SGCZ: variants seen among roughly 807,000 people sequenced by gnomAD.
The protein encoded by SGCZ is zeta-sarcoglycan.
SGCZ carries 40 observed loss-of-function variants against 41.3 expected under a neutral mutation model. The observed-to-expected ratio is 0.97, with a 90% confidence interval of 0.75 to 1.26. The LOEUF (loss-of-function observed/expected upper bound fraction) is 1.26. Among genes scored for constraint, SGCZ ranks in the 50% most tolerant of loss-of-function variants. The probability of loss-of-function intolerance (pLI) is 0.00; values close to 1 mark genes in which losing one functional copy is unlikely to be tolerated. For missense variants in SGCZ, 552 were observed against 369.8 expected (o/e 1.49, Z -4.04); for synonymous variants, 206 against 137.5 (o/e 1.50, Z -3.49).
At chr8:15,061,370 C>A (rs868560808) in intron 1 of SGCZ, among the ~76,000 whole-genome samples, 73 of 151,938 alleles carry the variant, frequency 4.8e-4, no homozygotes, top group African/African-American at 1.7e-3. Context: ...ACATCACACA[C>A]CGGGGCCTGT....
chr8:14,943,691 G>C (rs1325947052), intron 1 of SGCZ, among the ~76,000 whole-genome samples: 1 of 152,052 alleles, frequency 6.6e-6, no homozygotes, highest in Non-Finnish European at 1.5e-5. Context: ...TAAAAAGCAT[G>C]CCACTCAATA....
At chr8:15,017,997 T>G (rs1159387363) in intron 1 of SGCZ, among the ~76,000 whole-genome samples, 1 of 152,174 alleles carries the variant, frequency 6.6e-6, no homozygotes, top group East Asian at 1.9e-4. Flanking sequence ...CCCAAGTCTC[T>G]GGAGTTACAG....
chr8:14,566,865 G>T (rs375549841), intron 1 of SGCZ, among the ~76,000 whole-genome samples: 1 of 152,288 alleles, frequency 6.6e-6, no homozygotes, highest in African/African-American at 2.4e-5. Context: ...CGGTGCTTGC[G>T]GGCCAGTGCG....
intron 1 of SGCZ, among the ~76,000 whole-genome samples, chr8:14,617,509 G>A (rs1253147523): frequency 6.6e-6 from 1 of 152,058 alleles, no homozygotes; most frequent in Non-Finnish European, 1.5e-5. Flanking sequence ...TTAAAATGTT[G>A]AGATTTATAA....
chr8:14,511,556 A>G (rs1360102342), intron 2 of SGCZ, among the ~76,000 whole-genome samples: 1 of 152,086 alleles, frequency 6.6e-6, no homozygotes, highest in Non-Finnish European at 1.5e-5. Context: ...AGGCTAAAAC[A>G]AAATAGAGAT....
At chr8:14,576,431 A>G (rs1253617266) in intron 1 of SGCZ, among the ~76,000 whole-genome samples, 1 of 152,254 alleles carries the variant, frequency 6.6e-6, no homozygotes, top group Non-Finnish European at 1.5e-5. Flanking sequence ...GCCATATAGT[A>G]TAATGAAGTA....
chr8:15,001,548 T>C (rs1292402453), intron 1 of SGCZ, among the ~76,000 whole-genome samples: 1 of 151,768 alleles, frequency 6.6e-6, no homozygotes, highest in Non-Finnish European at 1.5e-5. Context: ...GCTAACACAG[T>C]GAAACCCCAT....
At chr8:15,201,960 A>G (rs1459153324) in intron 1 of SGCZ, among the ~76,000 whole-genome samples, 1 of 152,220 alleles carries the variant, frequency 6.6e-6, no homozygotes, top group Admixed American at 6.5e-5. Flanking sequence ...GGGTTTACCC[A>G]TTAATGTAGT....
At chr8:15,210,656 T>C (rs1042682842) in intron 1 of SGCZ, among the ~76,000 whole-genome samples, 1 of 152,182 alleles carries the variant, frequency 6.6e-6, no homozygotes, top group African/African-American at 2.4e-5. Flanking sequence ...ATGCAAAGTA[T>C]GAGCAATCCA....
At chr8:14,845,487 T>C (rs1346598033) in intron 1 of SGCZ, among the ~76,000 whole-genome samples, 10 of 152,090 alleles carry the variant, frequency 6.6e-5, no homozygotes, top group Admixed American at 6.6e-4. Context: ...ATGTGACACA[T>C]AATAAGCAGG....
chr8:14,206,292 G>A (rs368589303), intron 4 of SGCZ, among the ~76,000 whole-genome samples: 2 of 152,032 alleles, frequency 1.3e-5, no homozygotes, highest in East Asian at 1.9e-4. Context: ...GCCTTATGTT[G>A]TAAAGATAAC....
intron 5 of SGCZ, among the ~76,000 whole-genome samples, chr8:14,120,893 T>C (rs1320175405): frequency 6.6e-6 from 1 of 152,104 alleles, no homozygotes; most frequent in Non-Finnish European, 1.5e-5. Context: ...CTTAATCAGA[T>C]CATCAATGAT....
At chr8:14,127,483 T>A (rs1397473334) in intron 5 of SGCZ, among the ~76,000 whole-genome samples, 2 of 152,122 alleles carry the variant, frequency 1.3e-5, no homozygotes, top group Non-Finnish European at 2.9e-5. Context: ...TGATACTGAG[T>A]CTCACTGTGT....
At chr8:14,145,205 C>G (rs1021339740) in intron 5 of SGCZ, among the ~76,000 whole-genome samples, 3 of 152,154 alleles carry the variant, frequency 2.0e-5, no homozygotes, top group Non-Finnish European at 2.9e-5. Context: ...GCTTGTATTA[C>G]TCTACCCCCA....
chr8:14,428,538 G>C (rs1799853195), intron 2 of SGCZ, among the ~76,000 whole-genome samples: 2 of 152,204 alleles, frequency 1.3e-5, no homozygotes, highest in Middle Eastern at 3.4e-3. Flanking sequence ...CTAACGATTG[G>C]TTATGACCAT....
intron 1 of SGCZ, among the ~76,000 whole-genome samples, chr8:15,102,515 T>C (rs557482477): frequency 2.0e-5 from 3 of 152,334 alleles, no homozygotes; most frequent in Non-Finnish European, 2.9e-5. Flanking sequence ...GTGTAAACTA[T>C]AGACTTTTGT....
chr8:14,421,390 T>A (rs563569578), intron 2 of SGCZ, among the ~76,000 whole-genome samples: 1 of 152,264 alleles, frequency 6.6e-6, no homozygotes, highest in African/African-American at 2.4e-5. Flanking sequence ...TCACTGTTTT[T>A]GTAAAATGCA....
intron 1 of SGCZ, among the ~76,000 whole-genome samples, chr8:15,012,798 C>T (rs1802888224): frequency 1.4e-5 from 2 of 147,024 alleles, no homozygotes; most frequent in African/African-American, 5.0e-5. Flanking sequence ...TGTGTGTGTG[C>T]ATATATATAT....
chr8:14,948,734 C>T (rs1366815955), intron 1 of SGCZ, among the ~76,000 whole-genome samples: 2 of 152,134 alleles, frequency 1.3e-5, no homozygotes, highest in Non-Finnish European at 2.9e-5. Context: ...AAGACTAAGC[C>T]TTCTATCCTT....
Sources: allele counts gnomAD v4.1 joint callset (sites outside exome capture counted in the v4.1 genomes callset), GRCh38; gene constraint gnomAD v4.1.1; transcripts MANE v1.5; gene names NCBI Gene and HGNC (gene_info 2026-07-23, HGNC 2026-07-21).